The following TMEM132C variants were observed in gnomAD, a reference collection of about 807,000 sequenced individuals.
TMEM132C encodes the protein protein phosphatase 1, regulatory subunit 152.
In TMEM132C, 29 loss-of-function variants were observed where a neutral mutation model predicts 61.4. The ratio of observed to expected loss-of-function variants is 0.47; its 90% CI spans 0.35 to 0.64. The LOEUF (loss-of-function observed/expected upper bound fraction) is 0.64. Among genes scored for constraint, TMEM132C ranks in the 30% least tolerant of loss-of-function variants. The pLI, the probability that TMEM132C is intolerant of heterozygous loss-of-function variation, is 0.00. For missense variants in TMEM132C, 1,408 were observed against 1,476.9 expected (o/e 0.95, Z 0.76); for synonymous variants, 656 against 633.1 (o/e 1.04, Z -0.54).
chr12:128,390,034 T>C (rs1406442184), intron 1 of TMEM132C, among the ~76,000 whole-genome samples: 3 of 152,102 alleles, frequency 2.0e-5, no homozygotes, highest in African/African-American at 7.2e-5. Context: ...TGCCCCACCA[T>C]GCCAAGCTAA....
intron 1 of TMEM132C, among the ~76,000 whole-genome samples, chr12:128,298,919 CAG>C (rs1048446830): frequency 2.6e-5 from 4 of 152,172 alleles, no homozygotes; most frequent in Non-Finnish European, 5.9e-5. Context: ...TCCATGAAAA[CAG>C]GGGTGTTTTT....
intron 1 of TMEM132C, among the ~76,000 whole-genome samples, chr12:128,283,404 T>C (rs568353015): frequency 7.2e-5 from 11 of 152,308 alleles, no homozygotes; most frequent in Admixed American, 1.3e-4. Context: ...CATGTGCTCA[T>C]GACTAATGGG....
At chr12:128,660,246 G>A (rs1254245190) in intron 4 of TMEM132C, among the ~76,000 whole-genome samples, 1 of 152,186 alleles carries the variant, frequency 6.6e-6, no homozygotes, top group Non-Finnish European at 1.5e-5. Context: ...CCCTGGGCAA[G>A]TCATTCCTCC....
At chr12:128,367,058 C>A (rs1217296536) in intron 1 of TMEM132C, among the ~76,000 whole-genome samples, 3 of 152,090 alleles carry the variant, frequency 2.0e-5, no homozygotes, top group Non-Finnish European at 1.5e-5. Context: ...AAAGATGGAA[C>A]CAGACTTGGG....
At chr12:128,339,953 A>C (rs1872903705) in intron 1 of TMEM132C, among the ~76,000 whole-genome samples, 1 of 152,212 alleles carries the variant, frequency 6.6e-6, no homozygotes, top group African/African-American at 2.4e-5. Context: ...TCTCTAATAC[A>C]AACTTGGTCA....
chr12:128,583,142 A>G (rs1875407138), intron 3 of TMEM132C, among the ~76,000 whole-genome samples: 1 of 152,236 alleles, frequency 6.6e-6, no homozygotes, highest in Non-Finnish European at 1.5e-5. Context: ...ATGGCTAATT[A>G]AATCAATATA....
At chr12:128,661,625 A>G (rs1954391648) in intron 4 of TMEM132C, among the ~76,000 whole-genome samples, 1 of 152,232 alleles carries the variant, frequency 6.6e-6, no homozygotes, top group Admixed American at 6.5e-5. Context: ...AAAGGCAAAG[A>G]ATTTGAAACA....
At chr12:128,577,320 C>T (rs1875149360) in intron 3 of TMEM132C, among the ~76,000 whole-genome samples, 1 of 152,206 alleles carries the variant, frequency 6.6e-6, no homozygotes, top group African/African-American at 2.4e-5. Context: ...GACCTGTGCT[C>T]TTAGTCCCAT....
intron 3 of TMEM132C, among the ~76,000 whole-genome samples, chr12:128,602,359 G>A (rs541965772): frequency 1.3e-5 from 2 of 152,304 alleles, no homozygotes; most frequent in African/African-American, 4.8e-5. Flanking sequence ...TCTATCTGGT[G>A]GCAGAAAACT....
At chr12:128,385,811 T>C (rs1039948288) in intron 1 of TMEM132C, among the ~76,000 whole-genome samples, 9 of 152,328 alleles carry the variant, frequency 5.9e-5, no homozygotes, top group African/African-American at 1.9e-4. Flanking sequence ...GGACATTTGA[T>C]CTGCGGCTCT....
rs151233575 is a variant in TMEM132C at position 128,504,218 on chromosome 12, C to T, written c.975-39739C>T. ...ACAGGCCAGTTCAGAACCTGAATAA[C>T]CATTGATGACCCAGCCTGCTAGCCC... On this transcript the variant is annotated intron_variant, in intron 2 of 8. Transcript: ENST00000435159. Among the ~76,000 whole-genome samples the T allele has an allele frequency of 5.3e-4, 80 of 152,244 alleles. No homozygotes were observed. In the East Asian group the frequency reaches 7.2e-3, roughly 14 times the overall value.
chr12:128,628,030 G>A lies in TMEM132C; in HGVS notation c.1305+11695G>A, dbSNP rs571258002. On this transcript the variant is annotated intron_variant, in intron 4 of 8. Coordinates refer to ENST00000435159, the MANE Select transcript of TMEM132C (RefSeq NM_001136103.3). ...TCAGCCAGGTCTCCCCAGGCCTGCC[G>A]CACACTCTGGTATCGCACCTGCCCA... 5.3e-5 allele frequency among the ~76,000 whole-genome samples: 8 copies of A among 152,254 alleles called. No individual in the cohort carries two copies. In the East Asian group the frequency reaches 9.7e-4, roughly 18 times the overall value.
At chr12:128,690,818 C>G (rs2135649907) in intron 5 of TMEM132C, among the ~76,000 whole-genome samples, 1 of 152,256 alleles carries the variant, frequency 6.6e-6, no homozygotes, top group East Asian at 1.9e-4. Context: ...TCCCCAACTG[C>G]TCCCTGCCAC....
At chr12:128,654,167 G>A (rs1954301302) in intron 4 of TMEM132C, among the ~76,000 whole-genome samples, 1 of 152,204 alleles carries the variant, frequency 6.6e-6, no homozygotes, top group South Asian at 2.1e-4. Flanking sequence ...GGTCTTTGCA[G>A]ATACCATTGG....
intron 8 of TMEM132C, among the ~76,000 whole-genome samples, chr12:128,698,463 C>T (rs1294258046): frequency 6.6e-6 from 1 of 152,328 alleles, no homozygotes; most frequent in Middle Eastern, 3.4e-3. Context: ...ACAGCTGTGT[C>T]CGTTACCACC....
chr12:128,510,747 G>T (rs1452129393), intron 2 of TMEM132C, among the ~76,000 whole-genome samples: 1 of 152,214 alleles, frequency 6.6e-6, no homozygotes, highest in Admixed American at 6.5e-5. Context: ...CCCCAGGCAG[G>T]ATCAAAGGCC....
At chr12:128,514,518 G>A (rs1339215070) in intron 2 of TMEM132C, among the ~76,000 whole-genome samples, 3 of 152,022 alleles carry the variant, frequency 2.0e-5, no homozygotes, top group Non-Finnish European at 4.4e-5. Context: ...GGAGGTGGTG[G>A]TGGCAGGCGG....
chr12:128,466,235 T>C lies in TMEM132C; in HGVS notation c.974+50615T>C, dbSNP rs534840577. Reference sequence around the variant, plus strand: ...GCCAGCACAACCTCCCTCTGGGAGCTGCAGACCCAGGGATCCAAGTTGTCC... The same window carrying C: ...GCCAGCACAACCTCCCTCTGGGAGCCGCAGACCCAGGGATCCAAGTTGTCC... On this transcript the variant is annotated intron_variant, in intron 2 of 8. Transcript: ENST00000435159. 3.3e-5 allele frequency among the ~76,000 whole-genome samples: 5 copies of C among 152,242 alleles called. No individual in the cohort carries two copies. The South Asian group carries it at 1.0e-3, about 32-fold the overall frequency.
chr12:128,553,905 G>A (rs1359106079), intron 3 of TMEM132C, among the ~76,000 whole-genome samples: 1 of 152,212 alleles, frequency 6.6e-6, no homozygotes. Flanking sequence ...GAGGGACCCC[G>A]CGTGGTGCCC....
Sources: allele counts gnomAD v4.1 joint callset (sites outside exome capture counted in the v4.1 genomes callset), GRCh38; gene constraint gnomAD v4.1.1; transcripts MANE v1.5; gene names NCBI Gene and HGNC (gene_info 2026-07-23, HGNC 2026-07-21).